Variants in WBP1L observed in about 807,000 individuals in gnomAD.
WBP1L encodes the protein WW domain binding protein 1 like, also known as WW domain binding protein 1-like.
In WBP1L, 17 loss-of-function variants were observed where a neutral mutation model predicts 33.7. The observed-to-expected ratio is 0.50, with a 90% confidence interval of 0.34 to 0.76. The LOEUF (loss-of-function observed/expected upper bound fraction) is 0.76. WBP1L is among the 30% of genes least tolerant of loss of function. The probability of loss-of-function intolerance (pLI) is 0.01; values close to 1 mark genes in which losing one functional copy is unlikely to be tolerated. For missense variants in WBP1L, 389 were observed against 469.4 expected, an observed-to-expected ratio of 0.83 and a Z score of 1.58; for synonymous variants, 173 against 190.8, an observed-to-expected ratio of 0.91 and a Z score of 0.77.
intron 1 of WBP1L, among the ~76,000 whole-genome samples, chr10:102,762,500 A>G (rs1418422607): frequency 6.6e-6 from 1 of 152,192 alleles, no homozygotes; most frequent in African/African-American, 2.4e-5. Context: ...TGCTCTTCCA[A>G]TCCCAGCATT....
chr10:102,776,195 G>T, intron 1 of WBP1L: 2 of 1,469,178 alleles, frequency 1.4e-6, no homozygotes, highest in Non-Finnish European at 9.0e-7. Flanking sequence ...AGCCAGGCAG[G>T]GGGAGTAGCG....
chr10:102,776,436 A>G (rs757500174), intron 1 of WBP1L: 2 of 1,613,892 alleles, frequency 1.2e-6, no homozygotes, highest in Admixed American at 3.3e-5. Context: ...TTCTGCACGG[A>G]TCGGGTTTGG....
intron 2 of WBP1L, among the ~76,000 whole-genome samples, chr10:102,802,395 G>C (rs1340934599): frequency 6.8e-6 from 1 of 148,102 alleles, no homozygotes; most frequent in Non-Finnish European, 1.5e-5. Context: ...TTTGTTTTTA[G>C]TTTGTCTTAA....
intron 1 of WBP1L, chr10:102,776,344 T>C: frequency 6.2e-7 from 1 of 1,614,084 alleles, no homozygotes; most frequent in Non-Finnish European, 8.5e-7. Context: ...ACCTTAACTT[T>C]TAAGAGCCCT....
At chr10:102,771,007 A>G (rs1015934200) in intron 1 of WBP1L, among the ~76,000 whole-genome samples, 3 of 152,108 alleles carry the variant, frequency 2.0e-5, no homozygotes, top group African/African-American at 4.8e-5. Flanking sequence ...ATTTGCCTCC[A>G]TTTCTGTAAC....
chr10:102,786,227 T>C (rs1221421743), intron 1 of WBP1L, among the ~76,000 whole-genome samples: 1 of 152,254 alleles, frequency 6.6e-6, no homozygotes, highest in Admixed American at 6.5e-5. Context: ...TGATCTATTA[T>C]ATGTTTTAAT....
chr10:102,807,439 G>A (rs1303872704), intron 2 of WBP1L, among the ~76,000 whole-genome samples: 1 of 151,838 alleles, frequency 6.6e-6, no homozygotes, highest in African/African-American at 2.4e-5. Context: ...GTGCAGTGGC[G>A]TGATCTCAGC....
intron 1 of WBP1L, among the ~76,000 whole-genome samples, chr10:102,772,351 C>T (rs1843200488): frequency 6.9e-6 from 1 of 145,954 alleles, no homozygotes. Context: ...GCCTCCATCT[C>T]CCAGGTTCAA....
chr10:102,788,557 A>G (rs566185605), intron 1 of WBP1L, among the ~76,000 whole-genome samples: 1 of 152,318 alleles, frequency 6.6e-6, no homozygotes, highest in Non-Finnish European at 1.5e-5. Flanking sequence ...TCTAGGATAG[A>G]ACAAAAATAG....
intron 1 of WBP1L, among the ~76,000 whole-genome samples, chr10:102,775,435 C>T (rs1165919640): frequency 6.6e-6 from 1 of 152,134 alleles, no homozygotes; most frequent in Admixed American, 6.5e-5. Flanking sequence ...GAAGAAAGCA[C>T]GACAAACCTA....
At chr10:102,756,098 A>G (rs977399302) in intron 1 of WBP1L, among the ~76,000 whole-genome samples, 1 of 151,018 alleles carries the variant, frequency 6.6e-6, no homozygotes, top group African/African-American at 2.4e-5. Context: ...TGGTATGGGT[A>G]GGGTTCTTTA....
At position 102,812,683 on chromosome 10, in the gene WBP1L, A is replaced by ACAG; in HGVS notation, c.455_457dup (p.Gln152dup). 2 of 1,613,780 alleles carry ACAG rather than the reference A, an allele frequency of 1.2e-6. No homozygotes were observed. On this transcript the variant is annotated inframe_insertion, in exon 4 of 4. Coordinates refer to ENST00000448841, the MANE Select transcript of WBP1L (RefSeq NM_001083913.2). ...CCCCACCATACAGTGCCTTCCAGCT[A>ACAG]CAGCAGCAGCAGCTGCTGCCTCCAC...
At chr10:102,756,709 T>G (rs1166588304) in intron 1 of WBP1L, among the ~76,000 whole-genome samples, 1 of 152,052 alleles carries the variant, frequency 6.6e-6, no homozygotes, top group Non-Finnish European at 1.5e-5. Context: ...TATGCACATT[T>G]AAAGGCTGGA....
intron 1 of WBP1L, among the ~76,000 whole-genome samples, chr10:102,783,608 T>G (rs1228972589): frequency 6.6e-6 from 1 of 152,342 alleles, no homozygotes; most frequent in Non-Finnish European, 1.5e-5. Context: ...AAACAGGGGC[T>G]CTAAACTGGG....
chr10:102,772,850 G>A (rs556265206), intron 1 of WBP1L, among the ~76,000 whole-genome samples: 10 of 151,414 alleles, frequency 6.6e-5, no homozygotes, highest in African/African-American at 1.9e-4. Context: ...GATTACAGGC[G>A]TGAGCCATGG....
chr10:102,777,217 G>A (rs941957284), intron 1 of WBP1L, among the ~76,000 whole-genome samples: 1 of 152,080 alleles, frequency 6.6e-6, no homozygotes, highest in African/African-American at 2.4e-5. Flanking sequence ...TGTCTGTATC[G>A]GAATGTGTAA....
chr10:102,746,612 G>C (rs963840161), intron 1 of WBP1L, among the ~76,000 whole-genome samples: 6 of 151,440 alleles, frequency 4.0e-5, no homozygotes, highest in African/African-American at 1.5e-4. Flanking sequence ...GTTTTTTTGG[G>C]GGGGGTGGGG....
At chr10:102,745,916 AAAGTT>A (rs748910781) in intron 1 of WBP1L, among the ~76,000 whole-genome samples, 1 of 152,366 alleles carries the variant, frequency 6.6e-6, no homozygotes, top group African/African-American at 2.4e-5. Context: ...CAGGACCAGT[AAAGTT>A]AAGTATAGGT....
At chr10:102,748,733 G>A (rs1241271797) in intron 1 of WBP1L, among the ~76,000 whole-genome samples, 1 of 152,192 alleles carries the variant, frequency 6.6e-6, no homozygotes, top group African/African-American at 2.4e-5. Context: ...GACAGATAGC[G>A]CACACAGTGA....
Sources: gnomAD v4.1 joint callset for allele counts (sites outside exome capture counted in the v4.1 genomes callset) on GRCh38, gnomAD v4.1.1 for gene constraint, MANE v1.5 for transcripts, NCBI Gene and HGNC (gene_info 2026-07-23, HGNC 2026-07-21) for gene names.